CMSS1: variants seen among roughly 807,000 people sequenced by gnomAD.
CMSS1 encodes protein CMSS1.
CMSS1 carries 33 observed loss-of-function variants against 43.5 expected under a neutral mutation model. That is an observed-to-expected ratio of 0.76 (90% CI 0.57 to 1.01). CMSS1 has a LOEUF of 1.01. Ranked by LOEUF, CMSS1 falls within the 50% of genes least tolerant of loss-of-function variation. The probability of loss-of-function intolerance (pLI) is 0.00; values close to 1 mark genes in which losing one functional copy is unlikely to be tolerated. For synonymous variants in CMSS1, 115 were observed against 117.2 expected (o/e 0.98, Z 0.12); for missense variants, 313 against 326.4 (o/e 0.96, Z 0.32).
chr3:100,035,902 A>C (rs960823084), intron 1 of CMSS1, among the ~76,000 whole-genome samples: 1 of 152,168 alleles, frequency 6.6e-6, no homozygotes, highest in Non-Finnish European at 1.5e-5. Context: ...TGGATGGTCT[A>C]TTATGTGATT....
intron 1 of CMSS1, among the ~76,000 whole-genome samples, chr3:99,943,591 C>A (rs898958867): frequency 1.3e-5 from 2 of 152,048 alleles, no homozygotes; most frequent in African/African-American, 4.8e-5. Context: ...GTAGTCCCAG[C>A]TACTCGGGAG....
At chr3:99,879,807 C>G (rs1253676809) in intron 1 of CMSS1, among the ~76,000 whole-genome samples, 2 of 152,132 alleles carry the variant, frequency 1.3e-5, no homozygotes, top group African/African-American at 4.8e-5. Flanking sequence ...AACAGCAAGA[C>G]CTGTATAAGA....
At chr3:100,088,225 CATT>C (rs1356605605) in intron 1 of CMSS1, among the ~76,000 whole-genome samples, 6 of 152,130 alleles carry the variant, frequency 3.9e-5, no homozygotes, top group Non-Finnish European at 8.8e-5. Context: ...GAGAAGTTAT[CATT>C]ATATGTGTCC....
intron 1 of CMSS1, among the ~76,000 whole-genome samples, chr3:99,908,006 A>G (rs1706676630): frequency 6.6e-6 from 1 of 152,260 alleles, no homozygotes. Context: ...GAAACTGTGT[A>G]TTGAATATTT....
At chr3:100,054,539 T>TATGTC (rs1553709715) in intron 1 of CMSS1, among the ~76,000 whole-genome samples, 27 of 125,782 alleles carry the variant, frequency 2.1e-4, no homozygotes, top group South Asian at 1.3e-3. Context: ...TATGTTATGT[T>TATGTC]ATGTCATGTT....
chr3:100,111,562 C>T (rs188417079), intron 1 of CMSS1, among the ~76,000 whole-genome samples: 2 of 152,276 alleles, frequency 1.3e-5, no homozygotes, highest in East Asian at 3.9e-4. Context: ...TGAAAAGTCT[C>T]CTCAACCAAG....
At chr3:100,131,007 A>G (rs1017508860) in intron 1 of CMSS1, among the ~76,000 whole-genome samples, 1 of 152,242 alleles carries the variant, frequency 6.6e-6, no homozygotes, top group Non-Finnish European at 1.5e-5. Context: ...AGTTAACATC[A>G]GTACCAAATG....
At chr3:100,020,916 C>T (rs556484463) in intron 1 of CMSS1, among the ~76,000 whole-genome samples, 12 of 152,084 alleles carry the variant, frequency 7.9e-5, no homozygotes, top group South Asian at 4.2e-4. Flanking sequence ...TACAGGCATG[C>T]GCCATCATGC....
At chr3:99,886,244 AGGG>A (rs1486435841) in intron 1 of CMSS1, among the ~76,000 whole-genome samples, 12 of 75,942 alleles carry the variant, frequency 1.6e-4, no homozygotes, top group African/African-American at 6.6e-4. Context: ...TCCTGGTGAG[AGGG>A]GAATGAGTGT....
chr3:100,171,904 G>A lies in CMSS1; in HGVS notation c.579+5G>A, dbSNP rs895851545. On this transcript the variant is annotated splice_donor_5th_base_variant and intron_variant, in intron 7 of 9. Coordinates refer to ENST00000421999, the MANE Select transcript of CMSS1 (RefSeq NM_032359.4). The stretch of plus-strand genomic sequence containing the variant: ...TTATTTGCAAAGCACATAAAGGTAA[G>A]CAAGGGCCTGTGTGATCCCTAAAGG... 6.2e-7 allele frequency: 1 copy of A among 1,612,272 alleles called. No homozygotes were observed. The highest frequency in any genetic ancestry group is 1.3e-5 in the African/African-American group (1 of 74,892).
Position 100,094,030 on chromosome 3 carries a change from A to C in CMSS1, c.65-52943A>C, listed in dbSNP as rs541462684. 4.0e-4 allele frequency among the ~76,000 whole-genome samples: 61 copies of C among 152,292 alleles called. No individual in the cohort carries two copies. The South Asian group carries it at 0.012, about 30-fold the overall frequency. On this transcript the variant is annotated intron_variant, in intron 1 of 9. Transcript: ENST00000421999. ...GTAGTTTTATAGAGTTACTGTACCA[A>C]CTTACATTCCTACCAGCAATGTATG...
At chr3:99,849,969 G>T (rs980786696) in intron 1 of CMSS1, 73 of 1,612,330 alleles carry the variant, frequency 4.5e-5, no homozygotes, top group Non-Finnish European at 5.9e-5. Context: ...CTTTCAATTT[G>T]TTTTTTAAAT....
chr3:99,946,489 A>T (rs1291409855), intron 1 of CMSS1, among the ~76,000 whole-genome samples: 1 of 152,240 alleles, frequency 6.6e-6, no homozygotes, highest in Non-Finnish European at 1.5e-5. Context: ...TCTGACACAA[A>T]TGATTTCATG....
At chr3:100,021,489 C>G (rs991872615) in intron 1 of CMSS1, among the ~76,000 whole-genome samples, 1 of 152,220 alleles carries the variant, frequency 6.6e-6, no homozygotes, top group African/African-American at 2.4e-5. Flanking sequence ...GAGAAAATTC[C>G]TGTAATGTTT....
At chr3:100,086,479 T>C (rs2066011175) in intron 1 of CMSS1, among the ~76,000 whole-genome samples, 1 of 152,186 alleles carries the variant, frequency 6.6e-6, no homozygotes, top group Non-Finnish European at 1.5e-5. Context: ...AGTACCTAAC[T>C]CCTAGTTGAT....
At chr3:99,829,634 T>C (rs563127194) in intron 1 of CMSS1, among the ~76,000 whole-genome samples, 10 of 152,332 alleles carry the variant, frequency 6.6e-5, no homozygotes, top group African/African-American at 2.2e-4. Flanking sequence ...CAAGCTTTTG[T>C]TGAATCAACT....
intron 1 of CMSS1, among the ~76,000 whole-genome samples, chr3:99,970,440 T>C (rs1384752384): frequency 6.6e-6 from 1 of 152,264 alleles, no homozygotes; most frequent in Admixed American, 6.5e-5. Flanking sequence ...CTAGTCAGTT[T>C]TGAAGTCTCA....
chr3:100,170,101 T>A (rs540690555), intron 6 of CMSS1, among the ~76,000 whole-genome samples: 1 of 152,330 alleles, frequency 6.6e-6, no homozygotes, highest in South Asian at 2.1e-4. Context: ...GAACATCTGT[T>A]CTATTGAGAG....
chr3:99,898,764 TAA>T (rs35626116), intron 1 of CMSS1: 35,040 of 123,424 alleles, frequency 0.28, 5,061 homozygotes, highest in Admixed American at 0.36. Context: ...AGACTCCATC[TAA>T]AAAAAAAAAA....
Sources: gnomAD v4.1 joint callset for allele counts (sites outside exome capture counted in the v4.1 genomes callset) on GRCh38, gnomAD v4.1.1 for gene constraint, MANE v1.5 for transcripts, NCBI Gene and HGNC (gene_info 2026-07-23, HGNC 2026-07-21) for gene names.